CACNA1D: variants seen among roughly 807,000 people sequenced by gnomAD.
The protein encoded by CACNA1D is voltage-dependent L-type calcium channel subunit alpha-1D.
In CACNA1D, 55 loss-of-function variants were observed where a neutral mutation model predicts 257.1. The observed-to-expected ratio is 0.21, with a 90% CI of 0.17 to 0.27. The LOEUF is 0.27. Among genes scored for constraint, CACNA1D ranks in the 10% least tolerant of loss-of-function variants. The pLI is 1.00. For synonymous variants in CACNA1D, 980 were observed against 1,014.9 expected (o/e 0.97, Z 0.65); for missense variants, 1,876 against 2,784.0 (o/e 0.67, Z 7.34).
chr3:53,680,700 T>C (rs151107282), intron 8 of CACNA1D, among the ~76,000 whole-genome samples: 2 of 152,360 alleles, frequency 1.3e-5, no homozygotes, highest in East Asian at 1.9e-4. Flanking sequence ...CCCTATTCAA[T>C]TGGAGGCATT....
At chr3:53,504,240 AG>A (rs1286557929) in intron 3 of CACNA1D, among the ~76,000 whole-genome samples, 1 of 151,742 alleles carries the variant, frequency 6.6e-6, no homozygotes, top group Non-Finnish European at 1.5e-5. Context: ...TGTATCTGGA[AG>A]CTGCTGGTTT....
At position 53,682,379 on chromosome 3, in the gene CACNA1D, A is replaced by C. The variant is rs1243403323; in HGVS notation, c.1220+9253A>C. Among the ~76,000 whole-genome samples, 40 of 145,234 alleles carry C rather than the reference A, an allele frequency of 2.8e-4. 1 individual carries two copies. Among genetic ancestry groups the C allele is most frequent in the African/African-American group, 9.2e-4 (36 of 39,080 alleles). On this transcript the variant is annotated intron_variant, in intron 8 of 47. Coordinates refer to ENST00000350061, the MANE Select transcript of CACNA1D (RefSeq NM_001128840.3). ...TTTGTCTCTGGTAAAAAAAAAAAAA[A>C]AAAAAAAAAAAAAAAAACAGAAGTC...
At chr3:53,616,222 G>A (rs1311510128) in intron 3 of CACNA1D, among the ~76,000 whole-genome samples, 4 of 152,182 alleles carry the variant, frequency 2.6e-5, no homozygotes, top group Admixed American at 1.3e-4. Context: ...CACTATCAGT[G>A]GTTGTGATCA....
intron 3 of CACNA1D, among the ~76,000 whole-genome samples, chr3:53,552,491 CT>C (rs1480394453): frequency 6.6e-6 from 1 of 152,172 alleles, no homozygotes; most frequent in Non-Finnish European, 1.5e-5. Context: ...GGCAATTCTC[CT>C]GCCTCAACCT....
intron 3 of CACNA1D, among the ~76,000 whole-genome samples, chr3:53,630,611 T>C (rs2093811580): frequency 6.6e-6 from 1 of 152,172 alleles, no homozygotes; most frequent in Non-Finnish European, 1.5e-5. Flanking sequence ...AATTAACAAG[T>C]CATGAGAGTT....
intron 3 of CACNA1D, among the ~76,000 whole-genome samples, chr3:53,510,584 A>C (rs940033112): frequency 2.0e-5 from 3 of 152,234 alleles, no homozygotes; most frequent in Non-Finnish European, 4.4e-5. Flanking sequence ...ACTCAGAAGT[A>C]AACTCTCCGG....
intron 28 of CACNA1D, among the ~76,000 whole-genome samples, chr3:53,752,166 C>T (rs2095231617): frequency 6.6e-6 from 1 of 152,174 alleles, no homozygotes; most frequent in Non-Finnish European, 1.5e-5. Context: ...GTGCTCAATT[C>T]TGTAAACATT....
intron 40 of CACNA1D, among the ~76,000 whole-genome samples, chr3:53,788,514 C>CT (rs2095468027): frequency 6.6e-6 from 1 of 152,242 alleles, no homozygotes; most frequent in South Asian, 2.1e-4. Flanking sequence ...ACAAAGCAAA[C>CT]TGCAGAGATA....
chr3:53,745,157 G>C (rs563130605), intron 23 of CACNA1D, among the ~76,000 whole-genome samples: 31 of 151,798 alleles, frequency 2.0e-4, no homozygotes, highest in African/African-American at 7.2e-4. Context: ...AAAGGCTACT[G>C]GGTTTCTGTT....
chr3:53,691,198 G>T, intron 8 of CACNA1D, among the ~76,000 whole-genome samples: 1 of 150,602 alleles, frequency 6.6e-6, no homozygotes, highest in African/African-American at 2.5e-5. Flanking sequence ...GGAGTACAAT[G>T]GCGCGATCTC....
intron 45 of CACNA1D, among the ~76,000 whole-genome samples, chr3:53,806,555 G>C (rs1288594209): frequency 6.6e-6 from 1 of 152,190 alleles, no homozygotes; most frequent in Non-Finnish European, 1.5e-5. Flanking sequence ...TTTTGCTGAT[G>C]GTTAAGGACT....
chr3:53,765,138 T>C (rs2095325110), intron 30 of CACNA1D, among the ~76,000 whole-genome samples: 1 of 152,124 alleles, frequency 6.6e-6, no homozygotes, highest in East Asian at 1.9e-4. Context: ...GGCACAAAGA[T>C]AAAAAAGGAC....
At chr3:53,810,432 C>A in intron 47 of CACNA1D, 134 bp downstream of exon 47, 1 of 843,176 alleles carries the variant, frequency 1.2e-6, no homozygotes, top group Non-Finnish European at 2.0e-6. Context: ...CACTTCTGAG[C>A]AGCAGGAATG....
intron 5 of CACNA1D, among the ~76,000 whole-genome samples, chr3:53,665,147 A>G (rs559693581): frequency 6.6e-6 from 1 of 152,296 alleles, no homozygotes; most frequent in Admixed American, 6.5e-5. Flanking sequence ...AGTTGGTCAC[A>G]ATCCCTTTGG....
intron 9 of CACNA1D, among the ~76,000 whole-genome samples, chr3:53,707,314 T>G (rs1214253913): frequency 3.9e-5 from 6 of 152,062 alleles, no homozygotes; most frequent in Admixed American, 6.5e-5. Flanking sequence ...TCTTTTTCAT[T>G]AAGGTTCCCT....
chr3:53,504,203 G>A (rs773662320), intron 3 of CACNA1D, among the ~76,000 whole-genome samples: 1 of 152,116 alleles, frequency 6.6e-6, no homozygotes, highest in Non-Finnish European at 1.5e-5. Flanking sequence ...TCAAAGGGCA[G>A]ACGCTGAAAT....
chr3:53,497,812 A>G (rs2107079055), intron 2 of CACNA1D, among the ~76,000 whole-genome samples: 1 of 152,360 alleles, frequency 6.6e-6, no homozygotes, highest in Admixed American at 6.5e-5. Flanking sequence ...GGGCAATAGC[A>G]TGCATTGAAC....
chr3:53,767,072 C>T (rs901916159), intron 30 of CACNA1D, among the ~76,000 whole-genome samples: 8 of 152,174 alleles, frequency 5.3e-5, no homozygotes, highest in African/African-American at 1.9e-4. Flanking sequence ...CCCTCGTCAA[C>T]CCAGAAAGAA....
intron 30 of CACNA1D, among the ~76,000 whole-genome samples, chr3:53,769,067 A>T (rs984724600): frequency 1.3e-5 from 2 of 152,274 alleles, no homozygotes; most frequent in Non-Finnish European, 2.9e-5. Flanking sequence ...TGCTGGCTGG[A>T]GTTTGCTTCC....
Sources: allele counts gnomAD v4.1 joint callset (sites outside exome capture counted in the v4.1 genomes callset), GRCh38; gene constraint gnomAD v4.1.1; transcripts MANE v1.5; gene names NCBI Gene and HGNC (gene_info 2026-07-23, HGNC 2026-07-21).